Variants in RBMS1 observed in about 807,000 individuals in gnomAD.
The protein encoded by RBMS1 is RNA-binding motif, single-stranded-interacting protein 1.
RBMS1 carries 17 observed loss-of-function variants against 62.3 expected under a neutral mutation model. The observed-to-expected ratio is 0.27, with a 90% CI of 0.19 to 0.41. The LOEUF (loss-of-function observed/expected upper bound fraction) is 0.41. Among genes scored for constraint, RBMS1 ranks in the 10% least tolerant of loss-of-function variants. The pLI is 1.00. For missense variants in RBMS1, 334 were observed against 504.5 expected (o/e 0.66, Z 3.24); for synonymous variants, 172 against 170.0 (o/e 1.01, Z -0.09).
intron 2 of RBMS1, among the ~76,000 whole-genome samples, chr2:160,355,302 GC>G (rs1692737218): frequency 6.6e-6 from 1 of 152,058 alleles, no homozygotes; most frequent in Admixed American, 6.6e-5. Flanking sequence ...AGATTCAACA[GC>G]CTGGAATTCA....
chr2:160,286,423 G>A (rs1248499409), intron 7 of RBMS1, among the ~76,000 whole-genome samples: 2 of 150,340 alleles, frequency 1.3e-5, no homozygotes, highest in African/African-American at 4.9e-5. Context: ...GGGCTGCAGC[G>A]ATTCTCCTGC....
intron 4 of RBMS1, among the ~76,000 whole-genome samples, chr2:160,311,736 C>G (rs555662706): frequency 1.2e-4 from 18 of 150,940 alleles, no homozygotes; most frequent in African/African-American, 4.4e-4. Flanking sequence ...AAGTATTGCT[C>G]TTTTAAAAAG....
At chr2:160,327,986 C>T (rs1273646363) in intron 2 of RBMS1, among the ~76,000 whole-genome samples, 3 of 152,128 alleles carry the variant, frequency 2.0e-5, no homozygotes, top group Non-Finnish European at 4.4e-5. Flanking sequence ...GACAGTGTCA[C>T]CCTTGTGTTT....
Position 160,493,566 on chromosome 2 carries a change from CTCCTCT to C in RBMS1, c.-209_-204del, listed in dbSNP as rs1421918543. On this transcript the variant is annotated 5_prime_UTR_variant, in exon 1 of 14. Transcript: ENST00000348849. ...CTTCCTCCTCCTCCTCCTCCTCCTC[CTCCTCT>C]TCCTCCTCCTCCTCCTCCTCCCAGG... is the stretch of plus-strand genomic sequence containing the variant. The C allele has an allele frequency of 1.5e-5, 9 of 609,976 alleles. No individual in the cohort carries two copies. Among genetic ancestry groups the C allele is most frequent in the Non-Finnish European group, 2.3e-5 (8 of 345,744 alleles). 37.8% of individuals were successfully genotyped at this position (609,976 alleles called of 1,614,324 possible).
intron 2 of RBMS1, among the ~76,000 whole-genome samples, chr2:160,352,561 C>T (rs543896468): frequency 6.6e-6 from 1 of 152,236 alleles, no homozygotes; most frequent in South Asian, 2.1e-4. Context: ...TAAGTTGCTT[C>T]AAGTGCTGAC....
At position 160,493,521 on chromosome 2, in the gene RBMS1, GTCCTCC is replaced by G; in HGVS notation, c.-164_-159del. The G allele has an allele frequency of 3.2e-6, 2 of 621,508 alleles. No homozygotes were observed. Among genetic ancestry groups the G allele is most frequent in the Non-Finnish European group, 5.7e-6 (2 of 351,966 alleles). 38.5% of individuals were successfully genotyped at this position (621,508 alleles called of 1,614,324 possible). A position where few individuals can be genotyped will look rare whatever the true frequency, so the allele number is the denominator to read the frequency against. Reference sequence around the variant, plus strand: ...CTCCACCTCCCAGCCGGGACCAGACGTCCTCCTCCTCCTCCTCCTCTTCCTCCTCCT... The same window carrying G: ...CTCCACCTCCCAGCCGGGACCAGACGTCCTCCTCCTCCTCTTCCTCCTCCT... On this transcript the variant is annotated 5_prime_UTR_variant, in exon 1 of 14. Coordinates refer to ENST00000348849, the MANE Select transcript of RBMS1 (RefSeq NM_016836.4).
chr2:160,306,482 T>C (rs1689532499), intron 4 of RBMS1, among the ~76,000 whole-genome samples: 1 of 152,198 alleles, frequency 6.6e-6, no homozygotes, highest in African/African-American at 2.4e-5. Flanking sequence ...TGTGAATGCA[T>C]TTGTTTTCAA....
At chr2:160,471,718 A>ATATATATATATATATATATATAAAG (rs1357101386) in intron 1 of RBMS1, among the ~76,000 whole-genome samples, 3 of 14,530 alleles carry the variant, frequency 2.1e-4, no homozygotes, top group Admixed American at 1.7e-3. Context: ...TATATATATA[A>ATATATATATATATATATATATAAAG]CCTTTCATAC....
chr2:160,323,420 G>A (rs557291984), intron 2 of RBMS1, among the ~76,000 whole-genome samples: 61 of 151,982 alleles, frequency 4.0e-4, no homozygotes, highest in African/African-American at 1.4e-3. Flanking sequence ...AGGTTGCAAT[G>A]AGCCAGGACT....
intron 1 of RBMS1, among the ~76,000 whole-genome samples, chr2:160,481,490 T>G (rs893390707): frequency 6.6e-6 from 1 of 151,034 alleles, no homozygotes; most frequent in African/African-American, 2.5e-5. Context: ...ATTAAAACTA[T>G]CAATCAGAGA....
At chr2:160,457,193 C>T (rs1458106776) in intron 1 of RBMS1, among the ~76,000 whole-genome samples, 1 of 151,558 alleles carries the variant, frequency 6.6e-6, no homozygotes, top group Non-Finnish European at 1.5e-5. Context: ...TGCAGTGGTG[C>T]GATCTCAGTT....
chr2:160,468,845 G>A (rs1684801774), intron 1 of RBMS1, among the ~76,000 whole-genome samples: 1 of 152,214 alleles, frequency 6.6e-6, no homozygotes, highest in Non-Finnish European at 1.5e-5. Context: ...TCAGGGGTTA[G>A]CTAAATCATG....
intron 2 of RBMS1, among the ~76,000 whole-genome samples, chr2:160,360,154 C>G (rs2106016090): frequency 1.3e-5 from 2 of 152,128 alleles, no homozygotes; most frequent in South Asian, 4.1e-4. Context: ...TTCATTGGGC[C>G]CTATTTGTAG....
intron 6 of RBMS1, among the ~76,000 whole-genome samples, chr2:160,290,731 C>T (rs1688631992): frequency 6.6e-6 from 1 of 152,142 alleles, no homozygotes; most frequent in South Asian, 2.1e-4. Flanking sequence ...TTGTTAAAGG[C>T]CCCAGGCAAC....
intron 1 of RBMS1, among the ~76,000 whole-genome samples, chr2:160,449,226 G>C (rs1438532870): frequency 6.7e-6 from 1 of 150,108 alleles, no homozygotes; most frequent in Non-Finnish European, 1.5e-5. Context: ...CGCCAGGCCA[G>C]CCGCCCCATC....
intron 2 of RBMS1, among the ~76,000 whole-genome samples, chr2:160,355,835 A>G (rs1303621202): frequency 6.6e-6 from 1 of 152,076 alleles, no homozygotes; most frequent in African/African-American, 2.4e-5. Flanking sequence ...TCTGATCTAC[A>G]TTATGTGTGA....
At chr2:160,468,144 G>A (rs1372017381) in intron 1 of RBMS1, among the ~76,000 whole-genome samples, 1 of 152,190 alleles carries the variant, frequency 6.6e-6, no homozygotes. Context: ...AAAGAATGGG[G>A]AGGAAAGGTG....
chr2:160,303,504 T>G lies in RBMS1; in HGVS notation c.403-17A>C, dbSNP rs555914736. The G allele has an allele frequency of 1.0e-5, 16 of 1,588,066 alleles. No individual in the cohort carries two copies. The African/African-American group carries it at 2.2e-4, about 22-fold the overall frequency. On this transcript the variant is annotated splice_polypyrimidine_tract_variant and intron_variant, in intron 4 of 13. Transcript: ENST00000348849. ...TTCCTGTTGCTAAAACAGAAGAGAG[T>G]GTTGTCCATTAATTTCCAACAGAAG...
At chr2:160,433,108 T>C (rs1682964247) in intron 1 of RBMS1, among the ~76,000 whole-genome samples, 2 of 131,616 alleles carry the variant, frequency 1.5e-5, no homozygotes, top group South Asian at 4.9e-4. Flanking sequence ...TTGATACGAA[T>C]ATTAAAAAAA....
Sources: gnomAD v4.1 joint callset for allele counts (sites outside exome capture counted in the v4.1 genomes callset) on GRCh38, gnomAD v4.1.1 for gene constraint, MANE v1.5 for transcripts, NCBI Gene and HGNC (gene_info 2026-07-23, HGNC 2026-07-21) for gene names.